The following CDH13 variants were observed in gnomAD, a reference collection of about 807,000 sequenced individuals.
CDH13 encodes cadherin-13.
Under a neutral mutation model 63.8 loss-of-function variants are expected in CDH13, and 24 were observed. That is an observed-to-expected ratio of 0.38 (90% CI 0.27 to 0.53). CDH13 has a LOEUF of 0.53. Ranked by LOEUF, CDH13 falls within the 20% of genes least tolerant of loss-of-function variation. The pLI, the probability that CDH13 is intolerant of heterozygous loss-of-function variation, is 0.85. For synonymous variants in CDH13, 503 were observed against 355.3 expected (o/e 1.42, Z -4.67); for missense variants, 1,049 against 903.1 (o/e 1.16, Z -2.07).
intron 5 of CDH13, among the ~76,000 whole-genome samples, chr16:83,225,878 C>G (rs74034433): frequency 0.017 from 2,524 of 152,144 alleles, 75 homozygotes; most frequent in African/African-American, 0.058. Flanking sequence ...ATAATGATAC[C>G]AACCAGCTAG....
intron 1 of CDH13, among the ~76,000 whole-genome samples, chr16:82,790,698 T>A (rs1421263326): frequency 1.3e-5 from 2 of 152,132 alleles, no homozygotes; most frequent in African/African-American, 2.4e-5. Flanking sequence ...CTCAGGAAAC[T>A]TACAATCATA....
At chr16:82,920,851 A>G (rs2042132355) in intron 2 of CDH13, among the ~76,000 whole-genome samples, 1 of 152,204 alleles carries the variant, frequency 6.6e-6, no homozygotes, top group Non-Finnish European at 1.5e-5. Flanking sequence ...ACCACTAAGT[A>G]TGATGCTCCC....
chr16:82,836,350 A>G (rs1385446132), intron 1 of CDH13, among the ~76,000 whole-genome samples: 1 of 152,078 alleles, frequency 6.6e-6, no homozygotes, highest in African/African-American at 2.4e-5. Flanking sequence ...GGGTTTCGCC[A>G]TGTTAAGCAG....
intron 6 of CDH13, among the ~76,000 whole-genome samples, chr16:83,417,143 G>T (rs910796273): frequency 6.6e-6 from 1 of 152,068 alleles, no homozygotes. Flanking sequence ...TTAGCCCAAG[G>T]ACACACAGTT....
intron 2 of CDH13, among the ~76,000 whole-genome samples, chr16:82,971,133 G>A (rs1908680658): frequency 6.6e-6 from 1 of 152,170 alleles, no homozygotes; most frequent in Non-Finnish European, 1.5e-5. Context: ...AGGAGCAGGT[G>A]CATAAATACC....
At chr16:83,683,116 C>T (rs1362469622) in intron 10 of CDH13, among the ~76,000 whole-genome samples, 1 of 152,190 alleles carries the variant, frequency 6.6e-6, no homozygotes, top group East Asian at 1.9e-4. Context: ...CTCCAAGGAA[C>T]CTGTGACTAC....
intron 7 of CDH13, among the ~76,000 whole-genome samples, chr16:83,592,781 T>C (rs1906885661): frequency 6.6e-6 from 1 of 151,746 alleles, no homozygotes; most frequent in Non-Finnish European, 1.5e-5. Context: ...CAAAAATAAA[T>C]AAATAAAAAA....
chr16:83,118,279 C>T (rs181298531), intron 3 of CDH13, among the ~76,000 whole-genome samples: 1 of 152,288 alleles, frequency 6.6e-6, no homozygotes, highest in East Asian at 1.9e-4. Context: ...GTGTTCAGCA[C>T]ACTGGAAGTG....
At chr16:82,778,276 G>C (rs2035590410) in intron 1 of CDH13, among the ~76,000 whole-genome samples, 1 of 152,122 alleles carries the variant, frequency 6.6e-6, no homozygotes, top group Non-Finnish European at 1.5e-5. Flanking sequence ...GGACGTTCCA[G>C]TTTGAAAAAC....
chr16:82,655,649 A>G (rs1206572783), intron 1 of CDH13, among the ~76,000 whole-genome samples: 2 of 152,182 alleles, frequency 1.3e-5, no homozygotes, highest in African/African-American at 4.8e-5. Flanking sequence ...AGAGGAAGCC[A>G]AAGCAATTCA....
chr16:83,410,663 A>G (rs1214319756), intron 6 of CDH13, among the ~76,000 whole-genome samples: 1 of 152,168 alleles, frequency 6.6e-6, no homozygotes, highest in Non-Finnish European at 1.5e-5. Context: ...AATATACCCC[A>G]TTTATATATG....
intron 5 of CDH13, among the ~76,000 whole-genome samples, chr16:83,232,553 CA>C (rs869051890): frequency 2.5e-4 from 26 of 102,462 alleles, no homozygotes; most frequent in African/African-American, 4.1e-4. Flanking sequence ...AACAAACAAA[CA>C]AAAAAAAAAA....
intron 3 of CDH13, among the ~76,000 whole-genome samples, chr16:83,099,411 C>T (rs1423496582): frequency 6.6e-6 from 1 of 151,798 alleles, no homozygotes; most frequent in African/African-American, 2.4e-5. Context: ...GCAGCCTCCG[C>T]CTCCTGGGTT....
chr16:82,850,621 G>T lies in CDH13; in HGVS notation c.46-7741G>T, dbSNP rs192905033. Among the ~76,000 whole-genome samples, 689 of 152,308 alleles carry T rather than the reference G, an allele frequency of 4.5e-3. 2 individuals carry two copies. Among genetic ancestry groups the T allele is most frequent in the African/African-American group, 0.016 (664 of 41,578 alleles). ...GAAAAAAAAGTTCTCCTGTGGGTTAGATGCTACCAAATAGCATCACATGCT... is the reference window on the plus strand; with the variant it reads ...GAAAAAAAAGTTCTCCTGTGGGTTATATGCTACCAAATAGCATCACATGCT... On this transcript the variant is annotated intron_variant, in intron 1 of 13. Transcript: ENST00000567109.
At chr16:82,666,286 T>C (rs1264668420) in intron 1 of CDH13, among the ~76,000 whole-genome samples, 2 of 152,242 alleles carry the variant, frequency 1.3e-5, no homozygotes, top group African/African-American at 4.8e-5. Context: ...GTACCAATTA[T>C]GCCACAGGCA....
At position 83,571,478 on chromosome 16, in the gene CDH13, A is replaced by G. The variant is rs187407471; in HGVS notation, c.961-30976A>G. Among the ~76,000 whole-genome samples the G allele has an allele frequency of 8.5e-5, 13 of 152,300 alleles. No individual in the cohort carries two copies. In the East Asian group the frequency reaches 1.5e-3, roughly 18 times the overall value. ...AATTATCTGTGTATTGAATTAGGCTAACAGAATCTAAGTTTAAGCAAATTT... is the reference window on the plus strand; with the variant it reads ...AATTATCTGTGTATTGAATTAGGCTGACAGAATCTAAGTTTAAGCAAATTT... On this transcript the variant is annotated intron_variant, in intron 7 of 13. Coordinates refer to ENST00000567109, the MANE Select transcript of CDH13 (RefSeq NM_001257.5).
At chr16:83,717,428 G>A (rs555510711) in intron 10 of CDH13, among the ~76,000 whole-genome samples, 8 of 152,306 alleles carry the variant, frequency 5.3e-5, no homozygotes, top group African/African-American at 1.4e-4. Flanking sequence ...TTCACCGCAC[G>A]TGAAAGTCCC....
intron 4 of CDH13, among the ~76,000 whole-genome samples, chr16:83,196,628 G>A (rs1396779359): frequency 6.6e-6 from 1 of 152,052 alleles, no homozygotes; most frequent in African/African-American, 2.4e-5. Flanking sequence ...ATTGACAAAA[G>A]ACATAAACAG....
chr16:82,637,534 C>A (rs909094900), intron 1 of CDH13: 3 of 149,594 alleles, frequency 2.0e-5, no homozygotes, highest in African/African-American at 5.0e-5. Context: ...GGGTTCACGC[C>A]GTTCTCCTGC....
Sources: gnomAD v4.1 joint callset for allele counts (sites outside exome capture counted in the v4.1 genomes callset) on GRCh38, gnomAD v4.1.1 for gene constraint, MANE v1.5 for transcripts, NCBI Gene and HGNC (gene_info 2026-07-23, HGNC 2026-07-21) for gene names.